The following PRKD1 variants were observed in gnomAD, a reference collection of about 807,000 sequenced individuals.
PRKD1 encodes serine/threonine-protein kinase D1.
Under a neutral mutation model 95.9 loss-of-function variants are expected in PRKD1, and 63 were observed. The ratio of observed to expected loss-of-function variants is 0.66; its 90% CI spans 0.54 to 0.81. PRKD1 has a LOEUF of 0.81. Among genes scored for constraint, PRKD1 ranks in the 30% least tolerant of loss-of-function variants. PRKD1 has a pLI of 0.00. For missense variants in PRKD1, 1,048 were observed against 1,165.3 expected (o/e 0.90, Z 1.47); for synonymous variants, 425 against 423.1 (o/e 1.00, Z -0.05).
At chr14:29,637,026 C>A (rs1594383872) in intron 6 of PRKD1, among the ~76,000 whole-genome samples, 1 of 151,994 alleles carries the variant, frequency 6.6e-6, no homozygotes, top group Non-Finnish European at 1.5e-5. Context: ...TTCCGTTTTC[C>A]CAAGCCTGAA....
At chr14:29,602,726 G>A (rs1893567117) in intron 13 of PRKD1, among the ~76,000 whole-genome samples, 2 of 152,104 alleles carry the variant, frequency 1.3e-5, no homozygotes, top group Non-Finnish European at 2.9e-5. Flanking sequence ...ACTGCACCTG[G>A]CCAGTACATG....
At chr14:29,608,786 G>C (rs1046971370) in intron 13 of PRKD1, among the ~76,000 whole-genome samples, 3 of 152,090 alleles carry the variant, frequency 2.0e-5, no homozygotes, top group Non-Finnish European at 4.4e-5. Context: ...GAGATCATTT[G>C]GTTATTGCCT....
intron 2 of PRKD1, among the ~76,000 whole-genome samples, chr14:29,724,378 T>TA (rs1261458635): frequency 1.3e-5 from 2 of 152,126 alleles, no homozygotes; most frequent in Non-Finnish European, 2.9e-5. Context: ...CCTGAATAAT[T>TA]AATTTAGTGT....
At chr14:29,713,693 A>G (rs1885448454) in intron 2 of PRKD1, among the ~76,000 whole-genome samples, 1 of 152,146 alleles carries the variant, frequency 6.6e-6, no homozygotes, top group Admixed American at 6.6e-5. Flanking sequence ...TTATCATAAT[A>G]CTGCATTGCT....
At chr14:29,898,376 T>C (rs1445187436) in intron 1 of PRKD1, among the ~76,000 whole-genome samples, 2 of 152,140 alleles carry the variant, frequency 1.3e-5, no homozygotes, top group African/African-American at 4.8e-5. Context: ...AAGCAGTCAG[T>C]AGAATGGTAA....
chr14:29,842,687 TTTAA>T (rs1374010723), intron 1 of PRKD1, among the ~76,000 whole-genome samples: 3 of 152,248 alleles, frequency 2.0e-5, no homozygotes, highest in African/African-American at 7.2e-5. Context: ...TCCTTAAACA[TTTAA>T]TTAACTAATC....
intron 1 of PRKD1, among the ~76,000 whole-genome samples, chr14:29,882,956 G>A (rs1043855612): frequency 3.9e-5 from 6 of 152,098 alleles, no homozygotes; most frequent in Admixed American, 6.6e-5. Flanking sequence ...ACTGTATTAC[G>A]TTGTTCTAGC....
chr14:29,848,110 C>T (rs1237836004), intron 1 of PRKD1, among the ~76,000 whole-genome samples: 1 of 152,100 alleles, frequency 6.6e-6, no homozygotes, highest in African/African-American at 2.4e-5. Context: ...ACTCATTTCC[C>T]ACACCCAGTC....
At chr14:29,732,480 T>A (rs1055053932) in intron 1 of PRKD1, among the ~76,000 whole-genome samples, 3 of 152,180 alleles carry the variant, frequency 2.0e-5, no homozygotes, top group East Asian at 1.9e-4. Context: ...CAAAATAGAA[T>A]GGTATTTTTT....
chr14:29,855,145 A>G (rs979926228), intron 1 of PRKD1, among the ~76,000 whole-genome samples: 1 of 152,180 alleles, frequency 6.6e-6, no homozygotes, highest in African/African-American at 2.4e-5. Context: ...CTGTGAGAAG[A>G]AGGCCACCAT....
At chr14:29,885,412 A>G (rs1438406357) in intron 1 of PRKD1, among the ~76,000 whole-genome samples, 1 of 152,042 alleles carries the variant, frequency 6.6e-6, no homozygotes, top group Non-Finnish European at 1.5e-5. Context: ...CTACTTATCC[A>G]GAAAATACCT....
At chr14:29,719,134 G>C (rs529484398) in intron 2 of PRKD1, among the ~76,000 whole-genome samples, 26 of 152,172 alleles carry the variant, frequency 1.7e-4, no homozygotes, top group East Asian at 3.9e-4. Context: ...TTGAATCGTA[G>C]TAGGAGTAAA....
In PRKD1 at chr14:29,700,997, C is replaced by T. The variant is rs371373251; in HGVS notation, c.403+24539G>A. Among the ~76,000 whole-genome samples, 5 of 49,702 alleles carry T rather than the reference C, an allele frequency of 1.0e-4. No homozygotes were observed. The South Asian group carries it at 2.4e-3, about 24-fold the overall frequency. 32.6% of individuals were successfully genotyped at this position (49,702 alleles called of 152,430 possible). ...GCATGCGCGCGCGCGCGCACACACACACACACACACCCTGTTGTGTGTGGG... is the reference window on the plus strand; with the variant it reads ...GCATGCGCGCGCGCGCGCACACACATACACACACACCCTGTTGTGTGTGGG... On this transcript the variant is annotated intron_variant, in intron 2 of 17. Transcript: ENST00000331968.
chr14:29,736,300 T>G lies in PRKD1; in HGVS notation c.265-10626A>C, dbSNP rs1020755309. ...ATCCGTTTTATTGAACATAACATTC[T>G]GCCTAAATAGAAACTATATACAATA... is the stretch of plus-strand genomic sequence containing the variant. On this transcript the variant is annotated intron_variant, in intron 1 of 17. Coordinates refer to ENST00000331968, the MANE Select transcript of PRKD1 (RefSeq NM_002742.3). Among the ~76,000 whole-genome samples, 3 of 152,204 alleles carry G rather than the reference T, an allele frequency of 2.0e-5. No individual in the cohort carries two copies. In the South Asian group the frequency reaches 6.2e-4, roughly 31 times the overall value.
chr14:29,707,539 C>T (rs1012459074), intron 2 of PRKD1, among the ~76,000 whole-genome samples: 3 of 152,014 alleles, frequency 2.0e-5, no homozygotes, highest in South Asian at 4.2e-4. Context: ...AAATTATATT[C>T]GAGTGGGGAA....
rs938119604 is a variant in PRKD1 at position 29,626,667 on chromosome 14, A to C, written c.1726-111T>G. 4 of 489,158 alleles carry C rather than the reference A, an allele frequency of 8.2e-6. No homozygotes were observed. In the African/African-American group the frequency reaches 8.3e-5, roughly 10 times the overall value. 30.3% of individuals were successfully genotyped at this position (489,158 alleles called of 1,614,324 possible). Reference sequence around the variant, plus strand: ...TATAAACTAAGTATTTTAAAAATAAATTATAAATGCTAGATGAAATCTGAG... The same window carrying C: ...TATAAACTAAGTATTTTAAAAATAACTTATAAATGCTAGATGAAATCTGAG... On this transcript the variant is annotated intron_variant, in intron 11 of 17. Transcript: ENST00000331968.
intron 1 of PRKD1, among the ~76,000 whole-genome samples, chr14:29,750,565 G>C (rs1221932449): frequency 6.6e-6 from 1 of 151,938 alleles, no homozygotes; most frequent in Non-Finnish European, 1.5e-5. Context: ...GGCCAAGGCA[G>C]GAACCAGCCT....
At chr14:29,920,027 AGG>A (rs1895038591) in intron 1 of PRKD1, among the ~76,000 whole-genome samples, 1 of 132,696 alleles carries the variant, frequency 7.5e-6, no homozygotes, top group South Asian at 2.6e-4. Flanking sequence ...GAAGGAAGGA[AGG>A]AAGGAAGGAA....
intron 4 of PRKD1, chr14:29,656,488 A>G (rs540684642): frequency 2.0e-6 from 3 of 1,535,752 alleles, no homozygotes; most frequent in East Asian, 2.4e-5. Context: ...CAAAGCCAGG[A>G]CTCACAGGAG....
Sources: gnomAD v4.1 joint callset for allele counts (sites outside exome capture counted in the v4.1 genomes callset) on GRCh38, gnomAD v4.1.1 for gene constraint, MANE v1.5 for transcripts, NCBI Gene and HGNC (gene_info 2026-07-23, HGNC 2026-07-21) for gene names.